TCF4: variants seen among roughly 807,000 people sequenced by gnomAD.
The protein encoded by TCF4 is SL3-3 enhancer factor 2.
In TCF4, 3 loss-of-function variants were observed where a neutral mutation model predicts 82.1. That is an observed-to-expected ratio of 0.04 (90% confidence interval 0.02 to 0.09). The LOEUF (loss-of-function observed/expected upper bound fraction) is 0.09. TCF4 is among the 10% of genes least tolerant of loss of function. TCF4 has a pLI of 1.00. For synonymous variants in TCF4, 276 were observed against 309.6 expected (o/e 0.89, Z 1.14); for missense variants, 518 against 852.7 (o/e 0.61, Z 4.89).
intron 3 of TCF4, among the ~76,000 whole-genome samples, chr18:55,525,387 A>G (rs1386852930): frequency 6.6e-6 from 1 of 152,172 alleles, no homozygotes; most frequent in East Asian, 1.9e-4. Flanking sequence ...ATCAAAGACC[A>G]GGTAGAGAGA....
intron 1 of TCF4, among the ~76,000 whole-genome samples, chr18:55,587,724 G>T (rs565693063): frequency 1.3e-5 from 2 of 151,858 alleles, no homozygotes; most frequent in African/African-American, 4.8e-5. Context: ...CAGGGTTGGG[G>T]GGAGCGGAGT....
chr18:55,373,487 A>T (rs971830730), intron 6 of TCF4, among the ~76,000 whole-genome samples: 21 of 152,282 alleles, frequency 1.4e-4, no homozygotes, highest in African/African-American at 5.1e-4. Context: ...AATTAGAAGG[A>T]CAATAAGTAA....
intron 6 of TCF4, among the ~76,000 whole-genome samples, chr18:55,371,532 G>A (rs1377392079): frequency 6.6e-6 from 1 of 152,138 alleles, no homozygotes; most frequent in Non-Finnish European, 1.5e-5. Context: ...GAGAGCCAAG[G>A]AAGCTTTGTT....
chr18:55,453,748 T>C (rs188100335), intron 5 of TCF4, among the ~76,000 whole-genome samples: 1 of 152,006 alleles, frequency 6.6e-6, no homozygotes, highest in African/African-American at 2.4e-5. Flanking sequence ...TCAGTTATCT[T>C]AGCTCAATAC....
chr18:55,608,947 G>C (rs1052082890), intron 2 of TCF4, among the ~76,000 whole-genome samples: 28 of 152,144 alleles, frequency 1.8e-4, no homozygotes, highest in African/African-American at 5.3e-4. Context: ...TTGGAGGTGA[G>C]GAGGTAACGA....
At chr18:55,621,809 ATATAT>A (rs1361137089) in intron 2 of TCF4, among the ~76,000 whole-genome samples, 12 of 88,414 alleles carry the variant, frequency 1.4e-4, no homozygotes, top group South Asian at 8.2e-4. Flanking sequence ...ATGTTATATT[ATATAT>A]TATATTATAT....
chr18:55,516,714 G>C (rs1026088131), intron 3 of TCF4, among the ~76,000 whole-genome samples: 1 of 152,158 alleles, frequency 6.6e-6, no homozygotes, highest in Admixed American at 6.5e-5. Context: ...GTTCCTAACA[G>C]AAAGGATAAC....
At chr18:55,401,211 C>T in intron 6 of TCF4, 4 of 1,205,024 alleles carry the variant, frequency 3.3e-6, no homozygotes, top group South Asian at 1.5e-5. Flanking sequence ...GAAATTCATA[C>T]TCTGTACATT....
intron 11 of TCF4, chr18:55,269,616 G>C (rs981146079): frequency 1.3e-5 from 8 of 617,932 alleles, no homozygotes; most frequent in African/African-American, 5.5e-5. Context: ...TTGCAACGTA[G>C]AACGTAGCTA....
rs1238786488 is a variant in TCF4 at position 55,224,161 on chromosome 18, CTGCT to C, written c.*3870_*3873del. 2.3e-5 allele frequency: 3 copies of C among 131,666 alleles called. No homozygotes were observed. The highest frequency in any genetic ancestry group is 7.7e-5 in the Admixed American group (1 of 13,030). The allele number at this position is 131,666 out of a possible 1,614,324, so 8.2% of individuals were successfully genotyped here. A position where few individuals can be genotyped will look rare whatever the true frequency, so the allele number is the denominator to read the frequency against. ...CCAGGCACTGATACATGGTAAATCTCTGCTTTTTTTTTTTTTTTCTTATCTTCAC... is the reference window on the plus strand; with the variant it reads ...CCAGGCACTGATACATGGTAAATCTCTTTTTTTTTTTTTTCTTATCTTCAC... On this transcript the variant is annotated 3_prime_UTR_variant, in exon 20 of 20. Transcript: ENST00000354452.
At position 55,629,129 on chromosome 18, in the gene TCF4, TTTC is replaced by T. The variant is rs199974309; in HGVS notation, c.286+2166_286+2168del. On this transcript the variant is annotated intron_variant, in intron 2 of 20. Transcript: ENST00000398339. ...AAATAATATTTTGTGTGTGTGATACTTTCTTATTTCAATGTGAAAAAAACTTTC... is the reference window on the plus strand; with the variant it reads ...AAATAATATTTTGTGTGTGTGATACTTTATTTCAATGTGAAAAAAACTTTC... Among the ~76,000 whole-genome samples, 840 of 152,330 alleles carry T rather than the reference TTTC, an allele frequency of 5.5e-3. 5 individuals carry two copies. Among genetic ancestry groups the T allele is most frequent in the Middle Eastern group, 0.017 (5 of 294 alleles).
At chr18:55,630,639 C>T (rs1285934897) in intron 2 of TCF4, among the ~76,000 whole-genome samples, 1 of 152,190 alleles carries the variant, frequency 6.6e-6, no homozygotes, top group African/African-American at 2.4e-5. Context: ...GTGGCAGAAA[C>T]TCTTGCTAGG....
chr18:55,483,074 A>G (rs1259610226), intron 3 of TCF4: 2 of 152,186 alleles, frequency 1.3e-5, no homozygotes, highest in Non-Finnish European at 2.9e-5. Flanking sequence ...TTTGCCTTCT[A>G]TCCCACCCTC....
intron 3 of TCF4, among the ~76,000 whole-genome samples, chr18:55,516,146 A>G (rs944286242): frequency 3.9e-5 from 6 of 152,142 alleles, no homozygotes; most frequent in Non-Finnish European, 8.8e-5. Context: ...AGGGCTGTAG[A>G]TGGAAAAGAT....
intron 3 of TCF4, among the ~76,000 whole-genome samples, chr18:55,581,090 A>G (rs1442988232): frequency 1.6e-4 from 24 of 151,988 alleles, no homozygotes; most frequent in Admixed American, 1.6e-3. Context: ...ATAATCCAAA[A>G]TTCAGCTCCA....
chr18:55,310,051 GC>G (rs2071797434), intron 8 of TCF4, among the ~76,000 whole-genome samples: 1 of 152,106 alleles, frequency 6.6e-6, no homozygotes, highest in Non-Finnish European at 1.5e-5. Flanking sequence ...TACAGACAAC[GC>G]TGTACAATAA....
At chr18:55,402,055 AT>A (rs2093851261) in intron 6 of TCF4, 1 of 985,370 alleles carries the variant, frequency 1.0e-6, no homozygotes, top group Non-Finnish European at 1.2e-6. Context: ...TTGCACTCAC[AT>A]TCCAAAGATG....
chr18:55,508,973 T>C (rs914608762), intron 3 of TCF4, among the ~76,000 whole-genome samples: 2 of 152,186 alleles, frequency 1.3e-5, no homozygotes, highest in Admixed American at 1.3e-4. Flanking sequence ...GTAAATCTCC[T>C]CTCAAAAATC....
rs553688184 is a variant in TCF4 at position 55,269,969 on chromosome 18, G to C, written c.790-6C>G. The C allele has an allele frequency of 6.2e-7, 1 of 1,612,946 alleles. No individual in the cohort carries two copies. The highest frequency in any genetic ancestry group is 1.3e-5 in the African/African-American group (1 of 74,854). ...GAGGAGTGTGATGGATAGCTCTATA[G>C]CAAGAAGCAGAAAAAGGTGGCCATA... On this transcript the variant is annotated splice_polypyrimidine_tract_variant and splice_region_variant and intron_variant, in intron 10 of 19. Transcript: ENST00000354452.
Sources: gnomAD v4.1 joint callset for allele counts (sites outside exome capture counted in the v4.1 genomes callset) on GRCh38, gnomAD v4.1.1 for gene constraint, MANE v1.5 for transcripts, NCBI Gene and HGNC (gene_info 2026-07-23, HGNC 2026-07-21) for gene names.